Variants in CNTN5 observed in about 807,000 individuals in gnomAD.
CNTN5 encodes the protein contactin-5.
Under a neutral mutation model 129.1 loss-of-function variants are expected in CNTN5, and 77 were observed. The observed-to-expected ratio is 0.60, with a 90% CI of 0.50 to 0.72. CNTN5 has a LOEUF of 0.72. Ranked by LOEUF, CNTN5 falls within the 30% of genes least tolerant of loss-of-function variation. The pLI, the probability that CNTN5 is intolerant of heterozygous loss-of-function variation, is 0.00. For missense variants in CNTN5, 1,478 were observed against 1,328.8 expected (o/e 1.11, Z -1.75); for synonymous variants, 509 against 465.6 (o/e 1.09, Z -1.20).
intron 3 of CNTN5, among the ~76,000 whole-genome samples, chr11:99,598,359 TCTCTCTC>T (rs2135693980): frequency 1.7e-5 from 1 of 59,848 alleles, no homozygotes; most frequent in South Asian, 8.1e-4. Context: ...TCTCTCTCTC[TCTCTCTC>T]TCTCTCTCCC....
rs939821224 is a variant in CNTN5 at position 99,439,035 on chromosome 11, G to T, written c.-71+113551G>T. Among the ~76,000 whole-genome samples, 28 of 152,098 alleles carry T rather than the reference G, an allele frequency of 1.8e-4. 1 individual carries two copies. The highest frequency in any genetic ancestry group is 2.4e-5 in the African/African-American group (1 of 41,402). On this transcript the variant is annotated intron_variant, in intron 2 of 24. Transcript: ENST00000524871. ...TATGAAATAAAAATAGAAGAAAATG[G>T]GTTATAAAGTAATATGTGCCATTTA...
chr11:99,496,737 A>G (rs1200500365), intron 2 of CNTN5, among the ~76,000 whole-genome samples: 1 of 152,186 alleles, frequency 6.6e-6, no homozygotes, highest in East Asian at 1.9e-4. Flanking sequence ...ATCTCTGTGA[A>G]GTTGTTAGGA....
At position 100,071,801 on chromosome 11, in the gene CNTN5, G is replaced by T; in HGVS notation, c.1396G>T (p.Ala466Ser). 6.2e-7 allele frequency: 1 copy of T among 1,608,086 alleles called. No individual in the cohort carries two copies. Among genetic ancestry groups the T allele is most frequent in the East Asian group, 2.2e-5 (1 of 44,546 alleles). Residue 466 changes from alanine to serine, a missense_variant, in exon 12 of 25, where the codon GCC becomes TCC. Transcript: ENST00000524871. Reference protein sequence around the residue: ...YQCLAENKYGAIYASAELKIL... With the variant: ...YQCLAENKYGSIYASAELKIL... ...GTGTTTGGCTGAAAATAAGTATGGA[G>T]CCATTTACGCTAGTGCTGAGCTGAA...
At chr11:100,064,308 C>G (rs1943606928) in intron 10 of CNTN5, among the ~76,000 whole-genome samples, 1 of 152,124 alleles carries the variant, frequency 6.6e-6, no homozygotes, top group Non-Finnish European at 1.5e-5. Flanking sequence ...CATTTCTAGT[C>G]CCTTTTCTTG....
At chr11:99,336,293 T>G (rs1425688651) in intron 2 of CNTN5, among the ~76,000 whole-genome samples, 1 of 152,170 alleles carries the variant, frequency 6.6e-6, no homozygotes. Context: ...GGGTATAATT[T>G]GTGCACTCTG....
In CNTN5 at chr11:99,721,084, A is replaced by G. The variant is rs577608900; in HGVS notation, c.56-98460A>G. On this transcript the variant is annotated intron_variant, in intron 3 of 24. Transcript: ENST00000524871. ...CTGCCCAAAGCAATTTACAGATTCA[A>G]TGCTACTCCTGTCAAATTACCATCA... is the stretch of plus-strand genomic sequence containing the variant. Among the ~76,000 whole-genome samples the G allele has an allele frequency of 1.8e-3, 275 of 152,284 alleles. 1 individual carries two copies. Among genetic ancestry groups the G allele is most frequent in the African/African-American group, 5.7e-3 (238 of 41,558 alleles).
chr11:100,345,801 T>G (rs950410209), intron 23 of CNTN5, among the ~76,000 whole-genome samples: 10 of 152,152 alleles, frequency 6.6e-5, no homozygotes, highest in Non-Finnish European at 1.5e-4. Context: ...CTTGGAATTT[T>G]GTTTAAGAAA....
chr11:99,126,536 T>G (rs1381568208), intron 1 of CNTN5, among the ~76,000 whole-genome samples: 1 of 152,168 alleles, frequency 6.6e-6, no homozygotes, highest in Non-Finnish European at 1.5e-5. Context: ...CTCTCTTTGG[T>G]CCAAGCAGTG....
intron 2 of CNTN5, among the ~76,000 whole-genome samples, chr11:99,527,853 C>G (rs1190825973): frequency 6.6e-6 from 1 of 152,064 alleles, no homozygotes; most frequent in Non-Finnish European, 1.5e-5. Flanking sequence ...AGGATCTAGA[C>G]AGAGTAGACA....
intron 3 of CNTN5, among the ~76,000 whole-genome samples, chr11:99,569,030 T>G (rs1160636969): frequency 1.3e-5 from 2 of 152,322 alleles, no homozygotes; most frequent in Non-Finnish European, 2.9e-5. Flanking sequence ...AGGCTTATAG[T>G]ATGGCTTTAA....
intron 3 of CNTN5, among the ~76,000 whole-genome samples, chr11:99,702,571 A>T (rs1471746441): frequency 6.6e-6 from 1 of 150,960 alleles, no homozygotes; most frequent in African/African-American, 2.4e-5. Flanking sequence ...TGAAAACTAG[A>T]TGCATACTAA....
intron 2 of CNTN5, among the ~76,000 whole-genome samples, chr11:99,435,871 G>T (rs1248480796): frequency 1.3e-5 from 2 of 152,198 alleles, no homozygotes; most frequent in Admixed American, 6.5e-5. Context: ...ATATGAGGAA[G>T]TATATGGGGA....
chr11:99,794,512 A>G (rs563327994), intron 3 of CNTN5, among the ~76,000 whole-genome samples: 1 of 152,172 alleles, frequency 6.6e-6, no homozygotes, highest in South Asian at 2.1e-4. Context: ...TGGTTGCTTT[A>G]TAGTGTCACT....
At chr11:99,981,081 T>TATATAC (rs1938306926) in intron 8 of CNTN5, among the ~76,000 whole-genome samples, 1 of 65,796 alleles carries the variant, frequency 1.5e-5, no homozygotes, top group Non-Finnish European at 3.1e-5. Context: ...CAATAGGATA[T>TATATAC]ATATATATAT....
chr11:99,889,368 C>G (rs1252717804), intron 6 of CNTN5, among the ~76,000 whole-genome samples: 1 of 131,818 alleles, frequency 7.6e-6, no homozygotes, highest in Non-Finnish European at 1.6e-5. Flanking sequence ...ATATATATCT[C>G]TCCATCATAT....
chr11:99,285,832 C>T (rs1863914001), intron 1 of CNTN5, among the ~76,000 whole-genome samples: 1 of 151,798 alleles, frequency 6.6e-6, no homozygotes, highest in Admixed American at 6.6e-5. Context: ...GAGTTCAGGA[C>T]TTCGAGACCA....
intron 2 of CNTN5, among the ~76,000 whole-genome samples, chr11:99,522,259 T>C (rs1947300725): frequency 6.6e-6 from 1 of 152,194 alleles, no homozygotes. Context: ...TACCATCTTT[T>C]AGATTACAAC....
At chr11:99,835,570 A>C (rs992881084) in intron 4 of CNTN5, among the ~76,000 whole-genome samples, 1 of 152,162 alleles carries the variant, frequency 6.6e-6, no homozygotes, top group African/African-American at 2.4e-5. Flanking sequence ...CAAAACAAGA[A>C]CCACAGCAGC....
chr11:99,627,923 G>A (rs1353607267), intron 3 of CNTN5, among the ~76,000 whole-genome samples: 6 of 149,556 alleles, frequency 4.0e-5, no homozygotes, highest in Middle Eastern at 6.8e-3. Flanking sequence ...TGTATCAGAT[G>A]GGTAACTTGG....
Sources: allele counts gnomAD v4.1 joint callset (sites outside exome capture counted in the v4.1 genomes callset), GRCh38; gene constraint gnomAD v4.1.1; transcripts MANE v1.5; gene names NCBI Gene and HGNC (gene_info 2026-07-23, HGNC 2026-07-21).